The following SLC36A1 variants were observed in gnomAD, a reference collection of about 807,000 sequenced individuals.
SLC36A1 encodes the protein proton-coupled amino acid transporter 1.
Under a neutral mutation model 47.5 loss-of-function variants are expected in SLC36A1, and 30 were observed. The observed-to-expected ratio is 0.63, with a 90% CI of 0.47 to 0.86. SLC36A1 has a LOEUF of 0.86. Ranked by LOEUF, SLC36A1 falls within the 40% of genes least tolerant of loss-of-function variation. The pLI is 0.00. For missense variants in SLC36A1, 517 were observed against 606.0 expected (o/e 0.85, Z 1.54); for synonymous variants, 255 against 249.7 (o/e 1.02, Z -0.20).
intron 7 of SLC36A1, among the ~76,000 whole-genome samples, chr5:151,471,379 G>T (rs1757292469): frequency 6.6e-6 from 1 of 152,186 alleles, no homozygotes. Context: ...GTAGCAATCA[G>T]TAAGTATGTA....
the SLC36A1 span, among the ~76,000 whole-genome samples, chr5:151,541,161 TA>T: frequency 7.2e-5 from 11 of 152,372 alleles, no homozygotes; most frequent in Non-Finnish European, 1.0e-4. Flanking sequence ...TCCAAGGTTT[TA>T]TTTTATAACT....
chr5:151,391,655 A>G, the SLC36A1 span, among the ~76,000 whole-genome samples: 4 of 152,188 alleles, frequency 2.6e-5, no homozygotes, highest in African/African-American at 9.7e-5. Flanking sequence ...ATCTATTGAG[A>G]TAATCATGTG....
At chr5:151,551,533 G>T in the SLC36A1 span, 1 of 1,614,158 alleles carries the variant, frequency 6.2e-7, no homozygotes, top group South Asian at 1.1e-5. Context: ...ACCTTCTCCT[G>T]GTATCAAGAG....
the SLC36A1 span, among the ~76,000 whole-genome samples, chr5:151,538,349 T>C: frequency 6.6e-6 from 1 of 152,212 alleles, no homozygotes; most frequent in Non-Finnish European, 1.5e-5. Context: ...ATAGGCATTC[T>C]GGAAGGTGTC....
At chr5:151,540,901 C>CAGA in the SLC36A1 span, 1 of 670,962 alleles carries the variant, frequency 1.5e-6, no homozygotes, top group Admixed American at 3.2e-5. Context: ...TAGGAACCCA[C>CAGA]GATTCTACAC....
chr5:151,498,799 A>G, the SLC36A1 span, among the ~76,000 whole-genome samples: 1 of 152,182 alleles, frequency 6.6e-6, no homozygotes, highest in African/African-American at 2.4e-5. Flanking sequence ...GCTCTGCTTT[A>G]AGACCCAGCT....
At chr5:151,346,277 G>A in the SLC36A1 span, among the ~76,000 whole-genome samples, 22 of 152,050 alleles carry the variant, frequency 1.4e-4, no homozygotes, top group Non-Finnish European at 5.9e-5. Flanking sequence ...CAACTTCCAG[G>A]ACTAGCCCTG....
chr5:151,448,494 T>C (rs1160366475), intron 1 of SLC36A1, among the ~76,000 whole-genome samples: 1 of 152,260 alleles, frequency 6.6e-6, no homozygotes, highest in Non-Finnish European at 1.5e-5. Flanking sequence ...AAACTCATCC[T>C]TCTGTAGGTT....
the SLC36A1 span, chr5:151,347,501 C>T: frequency 1.2e-6 from 2 of 1,610,820 alleles, no homozygotes; most frequent in Non-Finnish European, 1.7e-6. Flanking sequence ...ACAAAGAGGT[C>T]TGCTCTGGAA....
At chr5:151,378,181 T>C in the SLC36A1 span, 6 of 278,632 alleles carry the variant, frequency 2.2e-5, no homozygotes, top group South Asian at 2.9e-4. Context: ...CTTTTATTTA[T>C]AGGTTTTTAA....
chr5:151,409,803 T>C, the SLC36A1 span, among the ~76,000 whole-genome samples: 1 of 152,232 alleles, frequency 6.6e-6, no homozygotes, highest in Non-Finnish European at 1.5e-5. Context: ...CCAAATCAGC[T>C]GGGGAAATGT....
intron 1 of SLC36A1, among the ~76,000 whole-genome samples, chr5:151,453,522 A>G (rs1753988295): frequency 1.3e-5 from 2 of 152,170 alleles, no homozygotes; most frequent in South Asian, 2.1e-4. Context: ...ATATGTTACC[A>G]TCTATTGATC....
the SLC36A1 span, among the ~76,000 whole-genome samples, chr5:151,537,464 A>G: frequency 6.7e-6 from 1 of 149,146 alleles, no homozygotes; most frequent in African/African-American, 2.6e-5. Flanking sequence ...GGAGGGAAGG[A>G]AAGGAGAAAC....
chr5:151,349,683 C>T, the SLC36A1 span, among the ~76,000 whole-genome samples: 1 of 152,108 alleles, frequency 6.6e-6, no homozygotes. Context: ...TAGACATCTC[C>T]AAAAAGAGTG....
At chr5:151,445,949 T>G (rs1243558408), upstream of SLC36A1, among the ~76,000 whole-genome samples, 2 of 150,110 alleles carry the variant, frequency 1.3e-5, no homozygotes, top group East Asian at 1.9e-4. Context: ...ATTTTGTCTG[T>G]TTTTTTTTCT....
At chr5:151,531,673 G>A in the SLC36A1 span, 10 of 1,613,818 alleles carry the variant, frequency 6.2e-6, no homozygotes, top group Non-Finnish European at 8.5e-6. This position sits in a 1 kb window ranked among gnomAD's most constrained non-coding sequence, Gnocchi z 5.7. Context: ...GCGAGTGAGG[G>A]TGGCCAGCTG....
At chr5:151,353,398 A>T in the SLC36A1 span, among the ~76,000 whole-genome samples, 1 of 152,212 alleles carries the variant, frequency 6.6e-6, no homozygotes, top group Non-Finnish European at 1.5e-5. Context: ...GTCTTTAAAA[A>T]TAAGTGATAG....
At chr5:151,444,840 A>AT (rs924377282), upstream of SLC36A1, among the ~76,000 whole-genome samples, 8 of 152,276 alleles carry the variant, frequency 5.3e-5, no homozygotes, top group African/African-American at 1.7e-4. Context: ...TTATAACAGT[A>AT]TTTTTTTAAT....
the SLC36A1 span, chr5:151,505,668 C>G: frequency 1.2e-6 from 2 of 1,613,978 alleles, no homozygotes; most frequent in Admixed American, 3.3e-5. Flanking sequence ...AAGAGGTGCC[C>G]CCTCCACCTC....
Sources: gnomAD v4.1 joint callset for allele counts (sites outside exome capture counted in the v4.1 genomes callset) on GRCh38, gnomAD v4.1.1 for gene constraint, Gnocchi (gnomAD v3.1) non-coding constraint, MANE v1.5 for transcripts, NCBI Gene and HGNC (gene_info 2026-07-23, HGNC 2026-07-21) for gene names.